GTF2E1: variants seen among roughly 807,000 people sequenced by gnomAD.
GTF2E1 encodes TFIIE alpha subunit.
In GTF2E1, 14 loss-of-function variants were observed where a neutral mutation model predicts 34.9. That is an observed-to-expected ratio of 0.40 (90% CI 0.27 to 0.63). The LOEUF is 0.63. Among genes scored for constraint, GTF2E1 ranks in the 20% least tolerant of loss-of-function variants. The pLI, the probability that GTF2E1 is intolerant of heterozygous loss-of-function variation, is 0.39. For missense variants in GTF2E1, 469 were observed against 557.7 expected, an observed-to-expected ratio of 0.84 and a Z score of 1.60; for synonymous variants, 188 against 192.9, an observed-to-expected ratio of 0.97 and a Z score of 0.21.
chr3:120,767,718 A>G (rs1233383638), intron 2 of GTF2E1, among the ~76,000 whole-genome samples: 3 of 152,200 alleles, frequency 2.0e-5, no homozygotes, highest in African/African-American at 7.2e-5. Flanking sequence ...GACCCTTCAC[A>G]GTTCTTAGTA....
intron 2 of GTF2E1, among the ~76,000 whole-genome samples, chr3:120,752,543 C>G (rs1559830112): frequency 6.6e-6 from 1 of 152,112 alleles, no homozygotes; most frequent in South Asian, 2.1e-4. Flanking sequence ...ATTAAACTTT[C>G]TAAAAGGAGA....
At chr3:120,753,136 C>T (rs1324192839) in intron 2 of GTF2E1, among the ~76,000 whole-genome samples, 1 of 151,012 alleles carries the variant, frequency 6.6e-6, no homozygotes, top group African/African-American at 2.4e-5. Context: ...TTTTTTTAAA[C>T]TATTAATACC....
chr3:120,749,449 A>T (rs960351655), intron 1 of GTF2E1, among the ~76,000 whole-genome samples: 1 of 152,170 alleles, frequency 6.6e-6, no homozygotes, highest in Non-Finnish European at 1.5e-5. Flanking sequence ...ACTTATTGAG[A>T]GTTTTTAGCA....
chr3:120,761,277 G>A (rs958296494), intron 2 of GTF2E1, among the ~76,000 whole-genome samples: 50 of 151,928 alleles, frequency 3.3e-4, no homozygotes, highest in Non-Finnish European at 6.2e-4. Flanking sequence ...CCCCTTTATC[G>A]TTTTTTATTG....
At chr3:120,777,195 G>C (rs2292170) in intron 4 of GTF2E1, among the ~76,000 whole-genome samples, 42,026 of 152,118 alleles carry the variant, frequency 0.28, 6,289 homozygotes, top group Non-Finnish European at 0.33. Context: ...AATTTCTGAG[G>C]CATAAAGGGT....
intron 2 of GTF2E1, among the ~76,000 whole-genome samples, chr3:120,754,177 C>T (rs1274531046): frequency 6.6e-6 from 1 of 152,102 alleles, no homozygotes; most frequent in African/African-American, 2.4e-5. Flanking sequence ...CAACAGCATG[C>T]TTCTCCTGAA....
At chr3:120,758,794 C>T (rs917609746) in intron 2 of GTF2E1, among the ~76,000 whole-genome samples, 3 of 152,142 alleles carry the variant, frequency 2.0e-5, no homozygotes, top group Non-Finnish European at 4.4e-5. Flanking sequence ...TGTATATGTG[C>T]CACATTTTCT....
chr3:120,775,873 T>G (rs2107613193), intron 3 of GTF2E1, among the ~76,000 whole-genome samples: 1 of 152,284 alleles, frequency 6.6e-6, no homozygotes, highest in East Asian at 1.9e-4. Flanking sequence ...CCTTACTGCA[T>G]GAGTGGTGGG....
At chr3:120,773,552 A>G (rs767759472) in intron 3 of GTF2E1, among the ~76,000 whole-genome samples, 6 of 152,162 alleles carry the variant, frequency 3.9e-5, no homozygotes, top group Non-Finnish European at 7.4e-5. Flanking sequence ...CAGCAAGTCA[A>G]CCTATTGATG....
At position 120,776,501 on chromosome 3, in the gene GTF2E1, T is replaced by G. The variant is rs1343759713; in HGVS notation, c.729T>G (p.Gly243=). The change falls in exon 4 of 5, where the codon GGT becomes GGG. Residue 243 remains glycine (G), a synonymous_variant. Transcript: ENST00000283875. ...ACCGGGAAGCATGGGCCACCAAAGGTCCTTCCTATGAAGACTTATACACTC... is the reference window on the plus strand; with the variant it reads ...ACCGGGAAGCATGGGCCACCAAAGGGCCTTCCTATGAAGACTTATACACTC... ...GHHREAWATK[G]PSYEDLYTQN... The G allele has an allele frequency of 6.2e-7, 1 of 1,613,686 alleles. No individual in the cohort carries two copies. The highest frequency in any genetic ancestry group is 1.1e-5 in the South Asian group (1 of 91,042).
At chr3:120,766,913 T>G (rs925855931) in intron 2 of GTF2E1, among the ~76,000 whole-genome samples, 1 of 152,136 alleles carries the variant, frequency 6.6e-6, no homozygotes, top group Non-Finnish European at 1.5e-5. Context: ...GAAAACTGAT[T>G]TGCATTTTTA....
chr3:120,745,558 G>C (rs1010365252), intron 1 of GTF2E1, among the ~76,000 whole-genome samples: 1 of 152,140 alleles, frequency 6.6e-6, no homozygotes, highest in Non-Finnish European at 1.5e-5. Flanking sequence ...TGGGGCCCAG[G>C]ATCAGTATTC....
intron 1 of GTF2E1, chr3:120,743,078 A>T (rs1709070862): frequency 6.4e-6 from 1 of 155,144 alleles, no homozygotes; most frequent in Non-Finnish European, 1.4e-5. Flanking sequence ...CATATCACCG[A>T]ACGCGTCTCG....
intron 4 of GTF2E1, among the ~76,000 whole-genome samples, chr3:120,777,439 AAT>A (rs1709411032): frequency 6.6e-6 from 1 of 152,116 alleles, no homozygotes; most frequent in African/African-American, 2.4e-5. Flanking sequence ...CTCCCAAGTT[AAT>A]ATATCATTAC....
chr3:120,776,338 T>A, intron 3 of GTF2E1, 85 bp from the exon 4 acceptor site: 1 of 1,206,206 alleles, frequency 8.3e-7, no homozygotes, highest in Non-Finnish European at 1.2e-6. Flanking sequence ...AGTATTTCAG[T>A]AATTGCCTCC....
chr3:120,744,563 C>T (rs1214469753), intron 1 of GTF2E1, among the ~76,000 whole-genome samples: 1 of 152,198 alleles, frequency 6.6e-6, no homozygotes, highest in African/African-American at 2.4e-5. Flanking sequence ...TTCCTAGCTA[C>T]GCTGGCTCAA....
At chr3:120,748,239 A>T (rs562819246) in intron 1 of GTF2E1, among the ~76,000 whole-genome samples, 2 of 151,898 alleles carry the variant, frequency 1.3e-5, no homozygotes, top group East Asian at 3.9e-4. Context: ...TGCTGTGCAG[A>T]AGCTCTTTAG....
intron 3 of GTF2E1, among the ~76,000 whole-genome samples, chr3:120,772,340 G>A (rs1709360688): frequency 6.6e-6 from 1 of 152,088 alleles, no homozygotes; most frequent in Admixed American, 6.6e-5. Context: ...CTAGGACTGG[G>A]GAAGGTCCCA....
chr3:120,748,043 G>GT (rs1433536539), intron 1 of GTF2E1, among the ~76,000 whole-genome samples: 3 of 151,588 alleles, frequency 2.0e-5, no homozygotes, highest in African/African-American at 7.3e-5. Flanking sequence ...CTGCATAAAT[G>GT]TCTTCTTTTG....
Sources: gnomAD v4.1 joint callset for allele counts (sites outside exome capture counted in the v4.1 genomes callset) on GRCh38, gnomAD v4.1.1 for gene constraint, MANE v1.5 for transcripts, NCBI Gene and HGNC (gene_info 2026-07-23, HGNC 2026-07-21) for gene names.